The following LHCGR variants were observed in gnomAD, a reference collection of about 807,000 sequenced individuals.
The protein encoded by LHCGR is luteinizing hormone/choriogonadotropin receptor.
A neutral mutation model predicts 60.7 loss-of-function variants in LHCGR; 55 were observed. That is an observed-to-expected ratio of 0.91 (90% CI 0.73 to 1.13). The LOEUF (loss-of-function observed/expected upper bound fraction) is 1.13. Among genes scored for constraint, LHCGR ranks in the 50% most tolerant of loss-of-function variants. The probability of loss-of-function intolerance (pLI) is 0.00; values close to 1 mark genes in which losing one functional copy is unlikely to be tolerated. For synonymous variants in LHCGR, 337 were observed against 316.5 expected, an observed-to-expected ratio of 1.06 and a Z score of -0.69; for missense variants, 862 against 836.0, an observed-to-expected ratio of 1.03 and a Z score of -0.38.
chr2:48,698,686 A>C lies in LHCGR; in HGVS notation c.795T>G (p.Phe265Leu), dbSNP rs754209411. 6.2e-7 allele frequency: 1 copy of C among 1,614,164 alleles called. No individual in the cohort carries two copies. Among genetic ancestry groups the C allele is most frequent in the African/African-American group, 1.3e-5 (1 of 75,042 alleles). The change falls in exon 9 of 11, where the codon TTT (phenylalanine) becomes TTG (leucine). Residue 265 changes from phenylalanine (F) to leucine (L), a missense_variant. By Grantham distance (22) the Phe-to-Leu change is conservative. Coordinates refer to ENST00000294954, the MANE Select transcript of LHCGR (RefSeq NM_000233.4). ...TCAACGTGGCCTCCAGGAGATTGACAAATGTTTCTCTTGATGGCAATTTTT... is the reference window on the plus strand; with the variant it reads ...TCAACGTGGCCTCCAGGAGATTGACCAATGTTTCTCTTGATGGCAATTTTT... Reference protein sequence around the residue: ...SLKKLPSRETFVNLLEATLTY... With the variant: ...SLKKLPSRETLVNLLEATLTY...
intron 6 of LHCGR, 56 bp from the exon 7 acceptor site, chr2:48,714,110 G>A (rs1171232757): frequency 7.8e-7 from 1 of 1,288,264 alleles, no homozygotes; most frequent in Non-Finnish European, 1.1e-6. Context: ...AAACAGTTTG[G>A]AAACACATTT....
chr2:48,698,557 T>C, intron 9 of LHCGR, 58 bp downstream of exon 9: 1 of 1,458,370 alleles, frequency 6.9e-7, no homozygotes, highest in Non-Finnish European at 9.6e-7. Flanking sequence ...ATTGACTATT[T>C]TGAAATCTGA....
intron 1 of LHCGR, among the ~76,000 whole-genome samples, chr2:48,749,457 C>T (rs1317801536): frequency 6.6e-6 from 1 of 152,252 alleles, no homozygotes; most frequent in Non-Finnish European, 1.5e-5. Flanking sequence ...CCAGCCCTCT[C>T]AGCTGTGGAA....
intron 1 of LHCGR, among the ~76,000 whole-genome samples, chr2:48,750,639 C>G (rs4953625): frequency 6.6e-6 from 1 of 152,112 alleles, no homozygotes; most frequent in South Asian, 2.1e-4. Flanking sequence ...TGCTTCTTTT[C>G]TGCATGAGTT....
intron 8 of LHCGR, among the ~76,000 whole-genome samples, chr2:48,707,828 G>A (rs1315897126): frequency 6.6e-6 from 1 of 152,208 alleles, no homozygotes; most frequent in African/African-American, 2.4e-5. Flanking sequence ...GGGACCCAGC[G>A]AGCCAGGCAC....
At position 48,686,986 on chromosome 2, in the gene LHCGR, A is replaced by G. The variant is rs1188969328; in HGVS notation, c.*711T>C. 4 of 152,352 alleles carry G rather than the reference A, an allele frequency of 2.6e-5. No homozygotes were observed. Among genetic ancestry groups the G allele is most frequent in the South Asian group, 2.1e-4 (1 of 4,828 alleles). 9.4% of individuals were successfully genotyped at this position (152,352 alleles called of 1,614,324 possible). The stretch of plus-strand genomic sequence containing the variant: ...CGAGGAGTTTACAGTCTACAGCTTA[A>G]TGTTTCACTAAGCAAATAGGCTGAA... On this transcript the variant is annotated 3_prime_UTR_variant, in exon 11 of 11. Transcript: ENST00000294954.
chr2:48,729,213 A>G lies in LHCGR; in HGVS notation c.248T>C (p.Ile83Thr). 3 of 1,609,008 alleles carry G rather than the reference A, an allele frequency of 1.9e-6. No individual in the cohort carries two copies. Among genetic ancestry groups the G allele is most frequent in the Non-Finnish European group, 2.5e-6 (3 of 1,176,718 alleles). ...NEVIKIEISQ[I>T]DSLERIEANA... ...AGCTTCTATCCTTTCCAGGGAATCA[A>G]TCTGAGAGATTTCACTAGGGAAGAG... The change falls in exon 3 of 11, where the codon ATT (isoleucine) becomes ACT (threonine). Residue 83 changes from isoleucine (I) to threonine (T), a missense_variant. By Grantham distance (89) the Ile-to-Thr change is moderately conservative. Coordinates refer to ENST00000294954, the MANE Select transcript of LHCGR (RefSeq NM_000233.4).
Position 48,694,260 on chromosome 2 carries a change from C to T in LHCGR, c.911G>A (p.Cys304Tyr), listed in dbSNP as rs948790583. ...HSISENFSKQ[C>Y]ESTVRKVNNK... ...ATTCACTTTCCTTACTGTGCTTTCA[C>T]ATTGTTTGGAAAAGTTTTCAGAAAT... Residue 304 changes from cysteine (C) to tyrosine (Y), a missense_variant, in exon 10 of 11, where the codon TGT becomes TAT. By Grantham distance (194) the Cys-to-Tyr change is radical. Coordinates refer to ENST00000294954, the MANE Select transcript of LHCGR (RefSeq NM_000233.4). 7 of 1,599,956 alleles carry T rather than the reference C, an allele frequency of 4.4e-6. No individual in the cohort carries two copies. Among genetic ancestry groups the T allele is most frequent in the Non-Finnish European group, 6.0e-6 (7 of 1,169,152 alleles).
chr2:48,707,579 G>T (rs188496537), intron 8 of LHCGR, among the ~76,000 whole-genome samples: 243 of 152,390 alleles, frequency 1.6e-3, no homozygotes, highest in Middle Eastern at 3.4e-3. Flanking sequence ...CCTTTGTTCA[G>T]ATATGTCCTG....
chr2:48,726,788 T>C (rs1668748481), intron 3 of LHCGR, among the ~76,000 whole-genome samples: 1 of 152,214 alleles, frequency 6.6e-6, no homozygotes, highest in East Asian at 1.9e-4. Context: ...TATAGTGTTG[T>C]TTTTGAGGAA....
At chr2:48,754,317 T>A (rs139947415) in intron 1 of LHCGR, among the ~76,000 whole-genome samples, 58 of 152,264 alleles carry the variant, frequency 3.8e-4, no homozygotes, top group African/African-American at 1.3e-3. Context: ...GACAGACTGT[T>A]GGGGGCTCAA....
intron 6 of LHCGR, among the ~76,000 whole-genome samples, chr2:48,715,008 T>C (rs1668180282): frequency 6.6e-6 from 1 of 152,150 alleles, no homozygotes; most frequent in South Asian, 2.1e-4. Context: ...TTCTTTTTAC[T>C]TTTCCTCCAC....
At chr2:48,700,515 G>C (rs990634966) in intron 8 of LHCGR, among the ~76,000 whole-genome samples, 3 of 152,168 alleles carry the variant, frequency 2.0e-5, no homozygotes, top group African/African-American at 7.2e-5. Flanking sequence ...TAACCAAGCA[G>C]CTCTTCAAGC....
At chr2:48,739,768 A>C (rs1669353950) in intron 1 of LHCGR, among the ~76,000 whole-genome samples, 1 of 152,162 alleles carries the variant, frequency 6.6e-6, no homozygotes, top group Non-Finnish European at 1.5e-5. Flanking sequence ...CATATGTAAC[A>C]AACCTGCATG....
chr2:48,733,660 G>A (rs1225985629), intron 1 of LHCGR, among the ~76,000 whole-genome samples: 2 of 152,162 alleles, frequency 1.3e-5, no homozygotes, highest in Non-Finnish European at 2.9e-5. Context: ...GAGAGGTGGG[G>A]TTAGGCAGGT....
Position 48,687,411 on chromosome 2 carries a change from C to T in LHCGR, c.*286G>A, listed in dbSNP as rs990795830. On this transcript the variant is annotated 3_prime_UTR_variant, in exon 11 of 11. Transcript: ENST00000294954. Reference sequence around the variant, plus strand: ...AAAAAAAAGATATGCAAAATACCTCCTCAGTTTTTTAAAAGATTCATCAAA... The same window carrying T: ...AAAAAAAAGATATGCAAAATACCTCTTCAGTTTTTTAAAAGATTCATCAAA... 5.8e-6 allele frequency: 2 copies of T among 345,986 alleles called. No individual in the cohort carries two copies. Among genetic ancestry groups the T allele is most frequent in the Non-Finnish European group, 1.1e-5 (2 of 190,416 alleles). 21.4% of individuals were successfully genotyped at this position (345,986 alleles called of 1,614,324 possible). A position where few individuals can be genotyped will look rare whatever the true frequency, so the allele number is the denominator to read the frequency against.
chr2:48,715,885 T>C (rs986553704), intron 6 of LHCGR, among the ~76,000 whole-genome samples: 9 of 152,180 alleles, frequency 5.9e-5, no homozygotes, highest in African/African-American at 1.9e-4. Flanking sequence ...GAATATTTAA[T>C]TCATTTCTTA....
At chr2:48,727,370 C>T (rs774865684) in intron 3 of LHCGR, among the ~76,000 whole-genome samples, 18 of 152,130 alleles carry the variant, frequency 1.2e-4, no homozygotes, top group Non-Finnish European at 1.6e-4. Context: ...TGGCAAGCAT[C>T]GTTCTATGTG....
intron 6 of LHCGR, chr2:48,720,616 G>A (rs1457015356): frequency 2.0e-5 from 3 of 152,140 alleles, no homozygotes; most frequent in Non-Finnish European, 4.4e-5. Flanking sequence ...TAAACAGCAT[G>A]TTTACTCCCA....
Sources: gnomAD v4.1 joint callset for allele counts (sites outside exome capture counted in the v4.1 genomes callset) on GRCh38, gnomAD v4.1.1 for gene constraint, MANE v1.5 for transcripts, NCBI Gene and HGNC (gene_info 2026-07-23, HGNC 2026-07-21) for gene names.